SENP7: variants seen among roughly 807,000 people sequenced by gnomAD.
SENP7 encodes the protein SUMO specific peptidase 7, also known as sentrin-specific protease 7.
In SENP7, 64 loss-of-function variants were observed where a neutral mutation model predicts 141.2. The observed-to-expected ratio is 0.45, with a 90% CI of 0.37 to 0.56. SENP7 has a LOEUF of 0.56. Among genes scored for constraint, SENP7 ranks in the 20% least tolerant of loss-of-function variants. The pLI, the probability that SENP7 is intolerant of heterozygous loss-of-function variation, is 0.00. For missense variants in SENP7, 1,025 were observed against 1,212.2 expected, an observed-to-expected ratio of 0.85 and a Z score of 2.29; for synonymous variants, 382 against 426.4, an observed-to-expected ratio of 0.90 and a Z score of 1.28.
At chr3:101,344,632 A>G (rs1260289299) in intron 13 of SENP7, among the ~76,000 whole-genome samples, 1 of 152,186 alleles carries the variant, frequency 6.6e-6, no homozygotes, top group Non-Finnish European at 1.5e-5. Flanking sequence ...TGGAGACTAA[A>G]CAAAGCTGAA....
At chr3:101,471,790 T>A (rs2064005670) in intron 3 of SENP7, among the ~76,000 whole-genome samples, 2 of 151,070 alleles carry the variant, frequency 1.3e-5, no homozygotes, top group South Asian at 4.2e-4. Context: ...TACAAAGAAC[T>A]CAAATTTACA....
chr3:101,501,438 C>G lies in SENP7; in HGVS notation c.41-319G>C, dbSNP rs183410523. Among the ~76,000 whole-genome samples the G allele has an allele frequency of 9.5e-4, 145 of 152,118 alleles. 1 individual carries two copies. The highest frequency in any genetic ancestry group is 1.6e-3 in the Non-Finnish European group (112 of 67,992). ...AGAAATTCCCTGACCAAAGACCTCA[C>G]ACCTAGTAGTAGAACCATTTGATCA... On this transcript the variant is annotated intron_variant, in intron 1 of 23. Coordinates refer to ENST00000394095, the MANE Select transcript of SENP7 (RefSeq NM_020654.5).
chr3:101,448,809 A>C (rs1432445045), intron 4 of SENP7, among the ~76,000 whole-genome samples: 1 of 152,218 alleles, frequency 6.6e-6, no homozygotes, highest in Non-Finnish European at 1.5e-5. Context: ...AACTCTAAAA[A>C]TCAGAGCACC....
At chr3:101,432,184 A>G (rs985467351) in intron 4 of SENP7, among the ~76,000 whole-genome samples, 3 of 152,192 alleles carry the variant, frequency 2.0e-5, no homozygotes, top group Non-Finnish European at 2.9e-5. Context: ...AGCAATGGCT[A>G]TGGGGTGAGG....
chr3:101,413,000 T>A (rs2061497755), intron 5 of SENP7, among the ~76,000 whole-genome samples: 1 of 152,146 alleles, frequency 6.6e-6, no homozygotes, highest in South Asian at 2.1e-4. Flanking sequence ...AATTTTATCC[T>A]GAAATCAAAA....
At chr3:101,369,130 AAATAT>A (rs2060115438) in intron 7 of SENP7, among the ~76,000 whole-genome samples, 3 of 152,332 alleles carry the variant, frequency 2.0e-5, no homozygotes, top group Admixed American at 2.0e-4. Flanking sequence ...ATTTGTTATC[AAATAT>A]ATGTACTGTA....
intron 13 of SENP7, among the ~76,000 whole-genome samples, chr3:101,346,655 A>AGTTACTTCCATTCCT (rs1248901395): frequency 6.6e-6 from 1 of 152,164 alleles, no homozygotes; most frequent in Non-Finnish European, 1.5e-5. Flanking sequence ...GTAACTCAGG[A>AGTTACTTCCATTCCT]ATGGAAAACC....
intron 4 of SENP7, among the ~76,000 whole-genome samples, chr3:101,426,818 A>C (rs2061975844): frequency 6.6e-6 from 1 of 152,150 alleles, no homozygotes; most frequent in Admixed American, 6.5e-5. Context: ...ATGCTGAGGA[A>C]ATTGATTACC....
chr3:101,485,399 C>T (rs1272079930), intron 3 of SENP7, among the ~76,000 whole-genome samples: 1 of 152,110 alleles, frequency 6.6e-6, no homozygotes, highest in African/African-American at 2.4e-5. Flanking sequence ...TTGGTATCCA[C>T]GGCTGAGAGA....
chr3:101,385,470 A>ATCC (rs1249712994), intron 6 of SENP7, among the ~76,000 whole-genome samples: 12 of 152,154 alleles, frequency 7.9e-5, no homozygotes, highest in African/African-American at 2.7e-4. Flanking sequence ...TTACTTAGCA[A>ATCC]AGCAGGTGGT....
At chr3:101,354,854 C>G (rs1288835429) in intron 11 of SENP7, among the ~76,000 whole-genome samples, 1 of 151,944 alleles carries the variant, frequency 6.6e-6, no homozygotes, top group Admixed American at 6.6e-5. Context: ...CATCCCCCAA[C>G]AAGTGTGTCC....
intron 4 of SENP7, chr3:101,457,710 T>C (rs1407694476): frequency 1.8e-5 from 19 of 1,040,532 alleles, no homozygotes; most frequent in Non-Finnish European, 2.7e-5. Context: ...TTTTTCCTGA[T>C]TCATGATTGT....
At chr3:101,503,021 A>G (rs1705222981) in intron 1 of SENP7, among the ~76,000 whole-genome samples, 2 of 152,200 alleles carry the variant, frequency 1.3e-5, no homozygotes, top group Admixed American at 1.3e-4. Context: ...TGTATTTGTC[A>G]AAGAATTCAT....
intron 5 of SENP7, among the ~76,000 whole-genome samples, chr3:101,407,778 A>G (rs2061345917): frequency 6.6e-6 from 1 of 152,232 alleles, no homozygotes. Context: ...TCTGGGACAC[A>G]GCAAAGGCGA....
Position 101,465,562 on chromosome 3 carries a change from A to C in SENP7, c.187-6510T>G, listed in dbSNP as rs76562032. On this transcript the variant is annotated intron_variant, in intron 3 of 23. Transcript: ENST00000394095. Reference sequence around the variant, plus strand: ...TGCTGACATGAGTTACAATCCAAAAAATCATAAAAGATTACATGACTGTGT... The same window carrying C: ...TGCTGACATGAGTTACAATCCAAAACATCATAAAAGATTACATGACTGTGT... Among the ~76,000 whole-genome samples the C allele has an allele frequency of 6.1e-3, 936 of 152,322 alleles. 6 individuals carry two copies. Among genetic ancestry groups the C allele is most frequent in the African/African-American group, 0.022 (902 of 41,554 alleles).
intron 3 of SENP7, among the ~76,000 whole-genome samples, chr3:101,462,937 T>C (rs2063597470): frequency 1.3e-5 from 2 of 151,950 alleles, no homozygotes; most frequent in Admixed American, 6.6e-5. Context: ...AAATCAAATA[T>C]TTCTGCTCAT....
intron 5 of SENP7, among the ~76,000 whole-genome samples, chr3:101,413,635 C>T (rs1198321264): frequency 1.3e-5 from 2 of 149,470 alleles, no homozygotes; most frequent in East Asian, 4.0e-4. Context: ...GTGTGATAAG[C>T]GTTATGATAT....
intron 4 of SENP7, among the ~76,000 whole-genome samples, chr3:101,433,252 A>G (rs1267329812): frequency 6.6e-6 from 1 of 152,042 alleles, no homozygotes; most frequent in East Asian, 1.9e-4. Flanking sequence ...ACCAAAAAAC[A>G]TACAATGGAT....
chr3:101,420,808 T>C (rs1297043748), intron 4 of SENP7, among the ~76,000 whole-genome samples: 1 of 152,146 alleles, frequency 6.6e-6, no homozygotes, highest in African/African-American at 2.4e-5. Context: ...CTGTGAGGCA[T>C]TCTACAGAAC....
Sources: allele counts gnomAD v4.1 joint callset (sites outside exome capture counted in the v4.1 genomes callset), GRCh38; gene constraint gnomAD v4.1.1; transcripts MANE v1.5; gene names NCBI Gene and HGNC (gene_info 2026-07-23, HGNC 2026-07-21).